Variants in FOXJ3 observed in about 807,000 individuals in gnomAD.
The protein encoded by FOXJ3 is forkhead box J3.
In FOXJ3, 22 loss-of-function variants were observed where a neutral mutation model predicts 76.1. The ratio of observed to expected loss-of-function variants is 0.29; its 90% CI spans 0.21 to 0.41. The LOEUF is 0.41. Among genes scored for constraint, FOXJ3 ranks in the 10% least tolerant of loss-of-function variants. FOXJ3 has a pLI of 1.00. For missense variants in FOXJ3, 613 were observed against 762.1 expected (o/e 0.80, Z 2.30); for synonymous variants, 269 against 261.2 (o/e 1.03, Z -0.29).
intron 4 of FOXJ3, among the ~76,000 whole-genome samples, chr1:42,234,784 C>T (rs933197858): frequency 2.6e-5 from 4 of 152,074 alleles, no homozygotes; most frequent in South Asian, 2.1e-4. Context: ...AGTACCTGGC[C>T]GTGTGAGGTG....
intron 2 of FOXJ3, among the ~76,000 whole-genome samples, chr1:42,281,424 G>A (rs115861642): frequency 2.6e-4 from 40 of 152,146 alleles, no homozygotes; most frequent in Admixed American, 7.2e-4. Context: ...CTTAGCTGAA[G>A]AACTTCAGCT....
chr1:42,274,662 T>A (rs547114524), intron 3 of FOXJ3, among the ~76,000 whole-genome samples: 40 of 152,302 alleles, frequency 2.6e-4, no homozygotes, highest in African/African-American at 9.6e-4. Context: ...TGGCACTTAG[T>A]ATAGTGCCTG....
At chr1:42,320,820 A>T (rs1655388982) in intron 1 of FOXJ3, among the ~76,000 whole-genome samples, 1 of 152,202 alleles carries the variant, frequency 6.6e-6, no homozygotes, top group African/African-American at 2.4e-5. Context: ...GGAGGGCTAA[A>T]GGCTGTGAGG....
intron 3 of FOXJ3, among the ~76,000 whole-genome samples, chr1:42,268,123 C>T (rs1017873319): frequency 5.3e-5 from 8 of 151,664 alleles, no homozygotes; most frequent in African/African-American, 1.9e-4. Context: ...TCAGAGAACA[C>T]CAAGCAGAAT....
rs1055592322 is a variant in FOXJ3 at position 42,326,232 on chromosome 1, C to T, written c.-18+8827G>A. Among the ~76,000 whole-genome samples the T allele has an allele frequency of 2.0e-5, 3 of 152,082 alleles. No homozygotes were observed. The East Asian group carries it at 5.8e-4, about 29-fold the overall frequency. On this transcript the variant is annotated intron_variant, in intron 1 of 12. Transcript: ENST00000361346. ...CGCCACTGCACCCCAGCCTGGGAGA[C>T]GGAGTGAGACTCCAACTCAAAAAAA...
At chr1:42,255,838 T>G (rs1234721299) in intron 4 of FOXJ3, among the ~76,000 whole-genome samples, 1 of 152,026 alleles carries the variant, frequency 6.6e-6, no homozygotes, top group Non-Finnish European at 1.5e-5. Context: ...CTGGCCAATA[T>G]AGTGAAACCC....
chr1:42,318,013 T>C (rs1481947372), intron 1 of FOXJ3, among the ~76,000 whole-genome samples: 5 of 152,244 alleles, frequency 3.3e-5, no homozygotes, highest in African/African-American at 9.6e-5. Flanking sequence ...AGCACTCATA[T>C]TTATTCAGTG....
chr1:42,259,381 T>A (rs1005128725), intron 4 of FOXJ3, among the ~76,000 whole-genome samples: 22 of 152,212 alleles, frequency 1.4e-4, no homozygotes, highest in Non-Finnish European at 2.5e-4. Flanking sequence ...TAATTTTTTT[T>A]AAATTTCTAG....
chr1:42,289,169 A>T (rs183555780), intron 2 of FOXJ3, among the ~76,000 whole-genome samples: 1 of 151,824 alleles, frequency 6.6e-6, no homozygotes, highest in East Asian at 1.9e-4. Context: ...TTATATTTAG[A>T]CATGTGTCTT....
At chr1:42,193,952 G>A (rs926845223) in intron 8 of FOXJ3, among the ~76,000 whole-genome samples, 15 of 152,170 alleles carry the variant, frequency 9.9e-5, no homozygotes, top group African/African-American at 2.2e-4. Flanking sequence ...AGGACACAGC[G>A]TTCAGCTCCA....
chr1:42,224,462 G>A (rs1259739903), intron 5 of FOXJ3, among the ~76,000 whole-genome samples: 1 of 152,038 alleles, frequency 6.6e-6, no homozygotes, highest in Non-Finnish European at 1.5e-5. Flanking sequence ...GAGCCAGCCT[G>A]GCCAACATGA....
intron 1 of FOXJ3, among the ~76,000 whole-genome samples, chr1:42,312,442 T>C (rs1041147361): frequency 3.9e-5 from 6 of 152,216 alleles, no homozygotes; most frequent in African/African-American, 1.2e-4. Flanking sequence ...TAGAAGGTGA[T>C]TGAAGTCCCT....
In FOXJ3 at chr1:42,309,478, T is replaced by C. The variant is rs551673291; in HGVS notation, c.44+1572A>G. Among the ~76,000 whole-genome samples the C allele has an allele frequency of 1.3e-4, 20 of 152,330 alleles. No homozygotes were observed. In the South Asian group the frequency reaches 4.1e-3, roughly 32 times the overall value. The stretch of plus-strand genomic sequence containing the variant: ...GCCTGTCTAAAATAACACATACTCC[T>C]ATTATTTCCTATTCCCCTTCTCTAT... On this transcript the variant is annotated intron_variant, in intron 2 of 12. Coordinates refer to ENST00000361346, the MANE Select transcript of FOXJ3 (RefSeq NM_014947.5).
intron 11 of FOXJ3, among the ~76,000 whole-genome samples, chr1:42,185,252 A>ATTTT (rs36007346): frequency 0.015 from 1,592 of 108,242 alleles, 77 homozygotes; most frequent in African/African-American, 0.026. Context: ...AACATACTGA[A>ATTTT]TTTTTTTTTT....
intron 1 of FOXJ3, among the ~76,000 whole-genome samples, chr1:42,331,829 T>A (rs200176872): frequency 0.022 from 2,004 of 89,940 alleles, 35 homozygotes; most frequent in African/African-American, 0.063. Flanking sequence ...AAAGCTTTTT[T>A]AAAAAAAAAA....
intron 1 of FOXJ3, among the ~76,000 whole-genome samples, chr1:42,315,625 T>C (rs1039242571): frequency 2.0e-5 from 3 of 152,232 alleles, no homozygotes; most frequent in South Asian, 2.1e-4. Context: ...CCTAGCCTTG[T>C]TGACTGAAAG....
At chr1:42,303,319 T>TG (rs2124738194) in intron 2 of FOXJ3, among the ~76,000 whole-genome samples, 1 of 152,304 alleles carries the variant, frequency 6.6e-6, no homozygotes, top group Non-Finnish European at 1.5e-5. Flanking sequence ...ATAGAATTGT[T>TG]GGGGGAACTT....
intron 2 of FOXJ3, among the ~76,000 whole-genome samples, chr1:42,288,994 G>T (rs1653243227): frequency 6.6e-6 from 1 of 151,936 alleles, no homozygotes; most frequent in Admixed American, 6.6e-5. Context: ...ACACTACGGA[G>T]ACTTTTGTTA....
intron 2 of FOXJ3, among the ~76,000 whole-genome samples, chr1:42,293,880 C>T (rs1226399176): frequency 6.6e-6 from 1 of 152,170 alleles, no homozygotes; most frequent in Non-Finnish European, 1.5e-5. Flanking sequence ...ACTAAAAGCC[C>T]CATTCAGATC....
Sources: allele counts gnomAD v4.1 joint callset (sites outside exome capture counted in the v4.1 genomes callset), GRCh38; gene constraint gnomAD v4.1.1; transcripts MANE v1.5; gene names NCBI Gene and HGNC (gene_info 2026-07-23, HGNC 2026-07-21).